Variants in PARD3B observed in about 807,000 individuals in gnomAD.
PARD3B encodes the protein partitioning defective 3 homolog B.
A neutral mutation model predicts 130.2 loss-of-function variants in PARD3B; 103 were observed. The observed-to-expected ratio is 0.79, with a 90% CI of 0.67 to 0.93. The LOEUF (loss-of-function observed/expected upper bound fraction) is 0.93, where lower values mean the gene tolerates loss of function less well. PARD3B is among the 40% of genes least tolerant of loss of function. The pLI is 0.00. For missense variants in PARD3B, 1,609 were observed against 1,499.2 expected, an observed-to-expected ratio of 1.07 and a Z score of -1.21; for synonymous variants, 583 against 553.2, an observed-to-expected ratio of 1.05 and a Z score of -0.76.
intron 3 of PARD3B, among the ~76,000 whole-genome samples, chr2:205,019,933 G>A (rs1164342936): frequency 6.6e-6 from 1 of 152,116 alleles, no homozygotes; most frequent in Non-Finnish European, 1.5e-5. Flanking sequence ...CAAGCTTAAT[G>A]GCAATAAAGT....
chr2:205,610,581 G>A (rs917465981), intron 22 of PARD3B, among the ~76,000 whole-genome samples: 1 of 152,178 alleles, frequency 6.6e-6, no homozygotes, highest in Non-Finnish European at 1.5e-5. Context: ...TGGGAAGTCA[G>A]AGAAATTGAA....
At position 204,890,434 on chromosome 2, in the gene PARD3B, T is replaced by C. The variant is rs2046403883; in HGVS notation, c.223-74718T>C. 6.6e-6 allele frequency among the ~76,000 whole-genome samples: 1 copy of C among 152,184 alleles called. No homozygotes were observed. Among genetic ancestry groups the C allele is most frequent in the Non-Finnish European group, 1.5e-5 (1 of 68,040 alleles). On this transcript the variant is annotated intron_variant, in intron 2 of 22. Coordinates refer to ENST00000406610, the MANE Select transcript of PARD3B (RefSeq NM_001302769.2). The surrounding 1 kb of genome is among the most constrained non-coding windows in gnomAD (Gnocchi z 4.9). ...GCCTCCACATTCAAGGGTGGGAGTA[T>C]CTCAGTTGATGAAATATATGCTTCT...
intron 3 of PARD3B, among the ~76,000 whole-genome samples, chr2:205,041,973 CAAATGA>C (rs562114888): frequency 1.8e-4 from 28 of 152,180 alleles, no homozygotes; most frequent in African/African-American, 6.7e-4. Context: ...ACATATCCTC[CAAATGA>C]AAATCCACTG....
chr2:204,825,368 G>A (rs1389774741), intron 2 of PARD3B, among the ~76,000 whole-genome samples: 1 of 152,200 alleles, frequency 6.6e-6, no homozygotes, highest in East Asian at 1.9e-4. Flanking sequence ...CACAGTGGGA[G>A]GCAAATGTTG....
At chr2:204,947,614 T>G (rs1004435813) in intron 2 of PARD3B, among the ~76,000 whole-genome samples, 1 of 141,324 alleles carries the variant, frequency 7.1e-6, no homozygotes. Flanking sequence ...CTTGTTTACT[T>G]ATTAACTAGC....
intron 2 of PARD3B, among the ~76,000 whole-genome samples, chr2:204,718,800 T>G (rs547954694): frequency 6.6e-6 from 1 of 152,238 alleles, no homozygotes; most frequent in South Asian, 2.1e-4. Flanking sequence ...CTTTGAGATA[T>G]GTGTATCCCT....
At chr2:205,528,285 A>G (rs982570893) in intron 21 of PARD3B, among the ~76,000 whole-genome samples, 1 of 152,166 alleles carries the variant, frequency 6.6e-6, no homozygotes, top group Admixed American at 6.5e-5. Context: ...CAACTTATTT[A>G]AGAAGTCATG....
At chr2:205,467,151 T>A (rs2048656520) in intron 20 of PARD3B, among the ~76,000 whole-genome samples, 3 of 152,262 alleles carry the variant, frequency 2.0e-5, no homozygotes, top group Admixed American at 2.0e-4. Context: ...AATACCAATA[T>A]TTTAAATTAC....
rs960307917 is a variant in PARD3B at position 204,649,401 on chromosome 2, G to A, written c.121-36780G>A. Among the ~76,000 whole-genome samples the A allele has an allele frequency of 3.9e-5, 6 of 151,942 alleles. No homozygotes were observed. In the South Asian group the frequency reaches 6.2e-4, roughly 16 times the overall value. On this transcript the variant is annotated intron_variant, in intron 1 of 22. Coordinates refer to ENST00000406610, the MANE Select transcript of PARD3B (RefSeq NM_001302769.2). ...AATGATAGTGTCATTGGATGTGTGTGTCTACTTTCTTCCCTGTTTTGTATG... is the reference window on the plus strand; with the variant it reads ...AATGATAGTGTCATTGGATGTGTGTATCTACTTTCTTCCCTGTTTTGTATG...
intron 5 of PARD3B, among the ~76,000 whole-genome samples, chr2:205,109,724 G>A (rs181076846): frequency 7.2e-5 from 10 of 139,014 alleles, no homozygotes; most frequent in African/African-American, 1.1e-4. Flanking sequence ...TGTGATCTCC[G>A]CTCACTGCAA....
intron 2 of PARD3B, among the ~76,000 whole-genome samples, chr2:204,862,153 G>C (rs921543679): frequency 6.6e-6 from 1 of 152,024 alleles, no homozygotes; most frequent in Non-Finnish European, 1.5e-5. Flanking sequence ...TTTAGTCTAC[G>C]TATGATATCC....
intron 3 of PARD3B, among the ~76,000 whole-genome samples, chr2:204,968,263 T>G (rs111668609): frequency 0.012 from 1,842 of 152,310 alleles, 34 homozygotes; most frequent in African/African-American, 0.041. Context: ...CACCCAAAAT[T>G]TATGTTTTTC....
intron 21 of PARD3B, among the ~76,000 whole-genome samples, chr2:205,537,077 T>C (rs141267019): frequency 6.6e-6 from 1 of 152,328 alleles, no homozygotes; most frequent in East Asian, 1.9e-4. Flanking sequence ...GAGTTCCTTA[T>C]ATATTCTTTT....
chr2:204,954,610 G>A (rs1020547606), intron 2 of PARD3B, among the ~76,000 whole-genome samples: 1 of 152,120 alleles, frequency 6.6e-6, no homozygotes, highest in Admixed American at 6.6e-5. Context: ...CTGGCCTTGG[G>A]GGATCTCTGG....
intron 15 of PARD3B, among the ~76,000 whole-genome samples, chr2:205,225,532 G>A (rs1015422493): frequency 1.3e-5 from 2 of 152,060 alleles, no homozygotes; most frequent in African/African-American, 2.4e-5. Flanking sequence ...ATATTAGTCT[G>A]TTCTCACTCA....
At chr2:205,065,492 T>C (rs1003690915) in intron 4 of PARD3B, among the ~76,000 whole-genome samples, 1 of 152,108 alleles carries the variant, frequency 6.6e-6, no homozygotes. Context: ...TGTGCTATGG[T>C]TTGGTTCTAG....
intron 18 of PARD3B, among the ~76,000 whole-genome samples, chr2:205,336,840 T>G (rs1249065045): frequency 6.6e-6 from 1 of 152,140 alleles, no homozygotes; most frequent in Admixed American, 6.5e-5. Flanking sequence ...AAGTTGCAAA[T>G]GTAGGCCTAG....
intron 1 of PARD3B, among the ~76,000 whole-genome samples, chr2:204,565,067 T>C (rs1209086244): frequency 6.6e-6 from 1 of 152,218 alleles, no homozygotes; most frequent in Non-Finnish European, 1.5e-5. Context: ...TAACTCAGGT[T>C]GCTAGCAGAA....
intron 2 of PARD3B, among the ~76,000 whole-genome samples, chr2:204,864,954 T>A (rs543803293): frequency 1.3e-5 from 2 of 151,740 alleles, no homozygotes; most frequent in East Asian, 3.9e-4. Context: ...CATCAAAGAG[T>A]GGGCTAAGGA....
Sources: allele counts gnomAD v4.1 joint callset (sites outside exome capture counted in the v4.1 genomes callset), GRCh38; gene constraint gnomAD v4.1.1; non-coding constraint Gnocchi (gnomAD v3.1); transcripts MANE v1.5; gene names NCBI Gene and HGNC (gene_info 2026-07-23, HGNC 2026-07-21).